The following SCRN1 variants were observed in gnomAD, a reference collection of about 807,000 sequenced individuals.
SCRN1 encodes the protein secernin-1.
Under a neutral mutation model 43.3 loss-of-function variants are expected in SCRN1, and 19 were observed. The ratio of observed to expected loss-of-function variants is 0.44; its 90% CI spans 0.31 to 0.64. SCRN1 has a LOEUF of 0.64. SCRN1 is among the 30% of genes least tolerant of loss of function. The pLI is 0.09. For synonymous variants in SCRN1, 183 were observed against 188.9 expected, an observed-to-expected ratio of 0.97 and a Z score of 0.26; for missense variants, 447 against 524.1, an observed-to-expected ratio of 0.85 and a Z score of 1.44.
intron 3 of SCRN1, among the ~76,000 whole-genome samples, chr7:29,947,946 G>A (rs1285810409): frequency 2.0e-5 from 3 of 152,174 alleles, no homozygotes; most frequent in Non-Finnish European, 2.9e-5. Context: ...GGGTCTTCCG[G>A]TGCCTTGATC....
At chr7:29,956,817 A>G (rs1021757607) in intron 2 of SCRN1, among the ~76,000 whole-genome samples, 2 of 152,126 alleles carry the variant, frequency 1.3e-5, no homozygotes, top group South Asian at 2.1e-4. Context: ...TTTTCCCTCT[A>G]TGCAGTTCCC....
intron 1 of SCRN1, among the ~76,000 whole-genome samples, chr7:29,970,437 C>T (rs1788633294): frequency 1.3e-5 from 2 of 152,218 alleles, no homozygotes; most frequent in African/African-American, 2.4e-5. Context: ...TCAAATATCA[C>T]TCTAGTACTC....
intron 1 of SCRN1, among the ~76,000 whole-genome samples, chr7:29,983,821 T>C (rs1011828031): frequency 3.9e-5 from 6 of 152,188 alleles, no homozygotes; most frequent in Non-Finnish European, 8.8e-5. Context: ...TGTAGGAAAT[T>C]AGCATATGAT....
At chr7:29,951,314 TCA>T (rs1787912297) in intron 3 of SCRN1, among the ~76,000 whole-genome samples, 1 of 152,214 alleles carries the variant, frequency 6.6e-6, no homozygotes, top group Non-Finnish European at 1.5e-5. Context: ...CCATGCTTGC[TCA>T]CACACCCCTT....
At chr7:29,930,902 T>A (rs1787135174) in intron 6 of SCRN1, among the ~76,000 whole-genome samples, 1 of 152,098 alleles carries the variant, frequency 6.6e-6, no homozygotes, top group African/African-American at 2.4e-5. Context: ...TGAGGGACAG[T>A]TAAATCAATG....
At chr7:29,968,054 C>T (rs890806160) in intron 2 of SCRN1, among the ~76,000 whole-genome samples, 3 of 151,980 alleles carry the variant, frequency 2.0e-5, no homozygotes, top group Non-Finnish European at 4.4e-5. Context: ...AGGCATCTAT[C>T]CCAAAGAAAT....
intron 2 of SCRN1, among the ~76,000 whole-genome samples, chr7:29,956,193 A>G (rs937781299): frequency 6.6e-6 from 1 of 152,230 alleles, no homozygotes; most frequent in African/African-American, 2.4e-5. Context: ...AAATCAGTCA[A>G]AGTATGTCCA....
intron 5 of SCRN1, among the ~76,000 whole-genome samples, chr7:29,937,039 C>T (rs953893416): frequency 5.9e-5 from 9 of 151,554 alleles, no homozygotes; most frequent in African/African-American, 2.2e-4. Context: ...GAGCGAGACT[C>T]TGTCTCAAAA....
At chr7:29,948,669 T>C (rs1338988430) in intron 3 of SCRN1, among the ~76,000 whole-genome samples, 1 of 152,048 alleles carries the variant, frequency 6.6e-6, no homozygotes, top group Admixed American at 6.5e-5. Flanking sequence ...AAAGTCAGCA[T>C]GCAGGAAAAA....
At chr7:29,960,175 C>T (rs1788263955) in intron 2 of SCRN1, among the ~76,000 whole-genome samples, 1 of 152,164 alleles carries the variant, frequency 6.6e-6, no homozygotes, top group African/African-American at 2.4e-5. Flanking sequence ...ACACCCCACA[C>T]ATCACAAATA....
intron 2 of SCRN1, among the ~76,000 whole-genome samples, chr7:29,956,032 A>G (rs1217484421): frequency 6.6e-6 from 1 of 152,154 alleles, no homozygotes; most frequent in Non-Finnish European, 1.5e-5. Flanking sequence ...AGAACACACA[A>G]CTTAGTGGTG....
intron 1 of SCRN1, among the ~76,000 whole-genome samples, chr7:29,981,313 C>T (rs1209747180): frequency 6.6e-6 from 1 of 152,120 alleles, no homozygotes; most frequent in African/African-American, 2.4e-5. Flanking sequence ...ATATTTTGAG[C>T]CCCTAACCAC....
At chr7:29,934,185 A>C (rs1787248843) in intron 6 of SCRN1, among the ~76,000 whole-genome samples, 2 of 152,330 alleles carry the variant, frequency 1.3e-5, no homozygotes, top group South Asian at 4.1e-4. Flanking sequence ...TCTATAATAC[A>C]AGGTTTTTAA....
chr7:29,976,022 T>C lies in SCRN1; in HGVS notation c.-1-6954A>G, dbSNP rs569102794. Among the ~76,000 whole-genome samples, 179 of 152,356 alleles carry C rather than the reference T, an allele frequency of 1.2e-3. 5 individuals carry two copies. The South Asian group carries it at 0.026, about 22-fold the overall frequency. ...GGAAGTTGTAAATGTAAAGGTATCA[T>C]GTAGCTGGTACATTTTTGTGGTAGA... On this transcript the variant is annotated intron_variant, in intron 1 of 7. Transcript: ENST00000242059.
chr7:29,980,432 T>C (rs1459172708), intron 1 of SCRN1, among the ~76,000 whole-genome samples: 1 of 152,224 alleles, frequency 6.6e-6, no homozygotes, highest in Non-Finnish European at 1.5e-5. Context: ...ATTCCCACCA[T>C]CTGTCTTCCT....
chr7:29,969,334 G>A lies in SCRN1; in HGVS notation c.-1-266C>T. Reference sequence around the variant, plus strand: ...CCACAGCGGCAGCCAAAAGTGCAGTGATGTGGGAGAAAGGAAAGGAGGTTA... The same window carrying A: ...CCACAGCGGCAGCCAAAAGTGCAGTAATGTGGGAGAAAGGAAAGGAGGTTA... On this transcript the variant is annotated intron_variant, in intron 1 of 7. Transcript: ENST00000242059. The A allele has an allele frequency of 6.5e-6, 3 of 462,050 alleles. No individual in the cohort carries two copies. In the South Asian group the frequency reaches 8.1e-5, roughly 13 times the overall value. The allele number at this position is 462,050 out of a possible 1,614,324, so 28.6% of individuals were successfully genotyped here.
intron 6 of SCRN1, among the ~76,000 whole-genome samples, chr7:29,932,874 T>C (rs1389728082): frequency 6.6e-6 from 1 of 151,680 alleles, no homozygotes; most frequent in Non-Finnish European, 1.5e-5. Flanking sequence ...ATCTTATTTA[T>C]TTTATTTTAT....
At chr7:29,986,717 A>ATTTTTTTTTTTTTTTTT (rs553845779) in intron 1 of SCRN1, among the ~76,000 whole-genome samples, 2 of 99,850 alleles carry the variant, frequency 2.0e-5, no homozygotes, top group Non-Finnish European at 1.9e-5. Context: ...AATTTTTTTA[A>ATTTTTTTTTTTTTTTTT]TTTTTTTTTT....
At chr7:29,976,855 G>A (rs1788850960) in intron 1 of SCRN1, among the ~76,000 whole-genome samples, 1 of 152,238 alleles carries the variant, frequency 6.6e-6, no homozygotes, top group African/African-American at 2.4e-5. Flanking sequence ...GGAGGCCCAA[G>A]TTCAGGCTTG....
Sources: allele counts gnomAD v4.1 joint callset (sites outside exome capture counted in the v4.1 genomes callset), GRCh38; gene constraint gnomAD v4.1.1; transcripts MANE v1.5; gene names NCBI Gene and HGNC (gene_info 2026-07-23, HGNC 2026-07-21).